The following ZFX variants were observed in gnomAD, a reference collection of about 807,000 sequenced individuals.
ZFX encodes the protein zinc finger protein X-linked, also known as zinc finger X-chromosomal protein.
For missense variants in ZFX, 362 were observed against 628.3 expected, an observed-to-expected ratio of 0.58 and a Z score of 4.53; for synonymous variants, 196 against 226.8, an observed-to-expected ratio of 0.86 and a Z score of 1.22.
At chrX:24,149,407 G>C (rs904286493), upstream of ZFX, 1 of 110,678 alleles carries the variant, frequency 9.0e-6, no homozygotes, top group Non-Finnish European at 1.9e-5. Flanking sequence ...GTGTGTGGCG[G>C]CGGCGGGCGG....
chrX:24,213,108 A>G lies in ZFX; in HGVS notation c.*1732A>G, dbSNP rs1399177084. ...TTTTTAATAGAGATGGGGTTTCACC[A>G]TCTTGGCCAGGCTGGTCTTGAACCC... is the stretch of plus-strand genomic sequence containing the variant. On this transcript the variant is annotated 3_prime_UTR_variant, in exon 10 of 10. Transcript: ENST00000304543. 9.0e-6 allele frequency: 1 copy of G among 111,081 alleles called. No homozygotes were observed. Among genetic ancestry groups the G allele is most frequent in the Non-Finnish European group, 1.9e-5 (1 of 52,955 alleles). The allele number at this position is 111,081 out of a possible 1,213,427, so 9.2% of individuals were successfully genotyped here.
intron 2 of ZFX, among the ~76,000 whole-genome samples, chrX:24,152,363 C>G (rs936509349): frequency 4.5e-5 from 5 of 111,027 alleles, no homozygotes; most frequent in African/African-American, 1.6e-4. Flanking sequence ...GAACTCCTGA[C>G]CTCAAGTGAT....
At chrX:24,189,401 T>A (rs1408693107) in intron 5 of ZFX, among the ~76,000 whole-genome samples, 1 of 112,084 alleles carries the variant, frequency 8.9e-6, no homozygotes, top group African/African-American at 3.2e-5. Flanking sequence ...GGCCCTGGTT[T>A]GCCCTGGCCA....
intron 3 of ZFX, among the ~76,000 whole-genome samples, chrX:24,164,547 T>A (rs1265866712): frequency 8.9e-6 from 1 of 111,820 alleles, no homozygotes. Context: ...GTAGGTGAGA[T>A]ATAGTATGGT....
chrX:24,215,256 T>C lies in ZFX; in HGVS notation c.*3880T>C, dbSNP rs1482455402. On this transcript the variant is annotated 3_prime_UTR_variant, in exon 10 of 10. Transcript: ENST00000304543. ...AACATGCTGCTGTATTTGTATTCTC[T>C]GGGAATCTCAGTATTAATAATTTCA... 1 of 111,986 alleles carries C rather than the reference T, an allele frequency of 8.9e-6. No homozygotes were observed. Among genetic ancestry groups the C allele is most frequent in the Non-Finnish European group, 1.9e-5 (1 of 53,263 alleles). 9.2% of individuals were successfully genotyped at this position (111,986 alleles called of 1,213,427 possible).
intron 1 of ZFX, chrX:24,150,204 A>C (rs2147168076): frequency 1.2e-5 from 1 of 86,064 alleles, no homozygotes; most frequent in Non-Finnish European, 2.3e-5. Context: ...GACGGGGGAC[A>C]AGATGGCGGC....
In ZFX at chrX:24,170,642, G is replaced by C. The variant is rs1322192763; in HGVS notation, c.-28-2073G>C. Among the ~76,000 whole-genome samples, 21 of 75,620 alleles carry C rather than the reference G, an allele frequency of 2.8e-4. No individual in the cohort carries two copies. The Admixed American group carries it at 3.9e-3, about 14-fold the overall frequency. The allele number at this position is 75,620 out of a possible 115,157, so 65.7% of individuals were successfully genotyped here. ...TTTTTTTTTTTTGAGACGGAGTGTT[G>C]CTCTATGGCCCAGGCTGGAGTGCAA... On this transcript the variant is annotated intron_variant, in intron 3 of 9. Coordinates refer to ENST00000304543, the MANE Select transcript of ZFX (RefSeq NM_003410.4).
At chrX:24,195,193 C>T (rs919795584) in intron 5 of ZFX, among the ~76,000 whole-genome samples, 86 of 110,995 alleles carry the variant, frequency 7.7e-4, no homozygotes, top group African/African-American at 2.6e-3. Flanking sequence ...GTAAATAATA[C>T]GCTTTCTTGA....
chrX:24,210,356 C>A lies in ZFX; in HGVS notation c.1398C>A (p.Asn466Lys). 2 of 1,211,745 alleles carry A rather than the reference C, an allele frequency of 1.7e-6. No individual in the cohort carries two copies. Among genetic ancestry groups the A allele is most frequent in the Non-Finnish European group, 2.2e-6 (2 of 895,580 alleles). Residue 466 changes from asparagine (N) to lysine (K), a missense_variant, in exon 10 of 10, where the codon AAC becomes AAA. Asn to Lys is a moderately conservative substitution (Grantham distance 94, BLOSUM62 0). Coordinates refer to ENST00000304543, the MANE Select transcript of ZFX (RefSeq NM_003410.4). ...GTACTGACTGTGATTACACTACCAA[C>A]AAGAAGATAAGTTTACACAACCACC... The part of the protein sequence containing the change: ...YRCTDCDYTT[N>K]KKISLHNHLE...
At chrX:24,160,056 G>A (rs1933104998) in intron 3 of ZFX, among the ~76,000 whole-genome samples, 1 of 110,059 alleles carries the variant, frequency 9.1e-6, no homozygotes, top group African/African-American at 3.3e-5. Flanking sequence ...TTTCTGATCA[G>A]TATTGCCAGT....
At chrX:24,169,234 A>AC (rs1308657319) in intron 3 of ZFX, among the ~76,000 whole-genome samples, 1 of 111,590 alleles carries the variant, frequency 9.0e-6, no homozygotes, top group Non-Finnish European at 1.9e-5. Context: ...ATGAGCGGGC[A>AC]CCCCCATGTA....
intron 3 of ZFX, among the ~76,000 whole-genome samples, chrX:24,171,861 CT>C (rs1345335917): frequency 9.2e-6 from 1 of 108,284 alleles, no homozygotes; most frequent in African/African-American, 3.4e-5. Flanking sequence ...TGCAAAATGA[CT>C]TTTCTCAGCT....
In ZFX at chrX:24,207,872, T is replaced by C. The variant is rs1387602016; in HGVS notation, c.940+17T>C. The C allele has an allele frequency of 1.9e-5, 23 of 1,203,738 alleles. No individual in the cohort carries two copies. Among genetic ancestry groups the C allele is most frequent in the African/African-American group, 8.8e-5 (5 of 56,938 alleles). On this transcript the variant is annotated intron_variant, in intron 7 of 9. Coordinates refer to ENST00000304543, the MANE Select transcript of ZFX (RefSeq NM_003410.4). ...AAGATTTAAGTAAGTAGGTGGCCTT[T>C]TTGTGGGAGAAAATTTTATGTTTCT...
intron 5 of ZFX, among the ~76,000 whole-genome samples, chrX:24,202,298 T>C (rs991386534): frequency 8.9e-6 from 1 of 111,958 alleles, no homozygotes; most frequent in Non-Finnish European, 1.9e-5. Context: ...TGAGTATTTT[T>C]ATCTATTAAT....
intron 3 of ZFX, among the ~76,000 whole-genome samples, chrX:24,153,847 C>A (rs781419357): frequency 1.8e-5 from 2 of 111,354 alleles, no homozygotes; most frequent in East Asian, 5.6e-4. Flanking sequence ...TTACTGGGTA[C>A]AGAGAATTCT....
intron 4 of ZFX, among the ~76,000 whole-genome samples, chrX:24,174,253 A>T (rs894251288): frequency 2.7e-5 from 3 of 111,163 alleles, no homozygotes; most frequent in African/African-American, 9.8e-5. Flanking sequence ...AAAGGGTTTT[A>T]TATCACACCA....
chrX:24,171,187 A>G (rs1209050983), intron 3 of ZFX, among the ~76,000 whole-genome samples: 1 of 111,871 alleles, frequency 8.9e-6, no homozygotes, highest in Non-Finnish European at 1.9e-5. Context: ...TGCTGTGGAA[A>G]TTTCAGAGGG....
At chrX:24,201,469 G>A (rs1284850614) in intron 5 of ZFX, among the ~76,000 whole-genome samples, 1 of 112,570 alleles carries the variant, frequency 8.9e-6, no homozygotes, top group African/African-American at 3.2e-5. Context: ...AAAACAACAA[G>A]CCTGGCCCTG....
chrX:24,189,481 G>C (rs1936391299), intron 5 of ZFX, among the ~76,000 whole-genome samples: 1 of 111,885 alleles, frequency 8.9e-6, no homozygotes, highest in African/African-American at 3.3e-5. Context: ...GGTCATAGTA[G>C]ACATCCAATA....
Sources: gnomAD v4.1 joint callset for allele counts (sites outside exome capture counted in the v4.1 genomes callset) on GRCh38, gnomAD v4.1.1 for gene constraint, MANE v1.5 for transcripts, NCBI Gene and HGNC (gene_info 2026-07-23, HGNC 2026-07-21) for gene names.